Variants in KDELR2 observed in about 807,000 individuals in gnomAD.
KDELR2 encodes ER lumen protein-retaining receptor 2.
A neutral mutation model predicts 23.9 loss-of-function variants in KDELR2; 15 were observed. That is an observed-to-expected ratio of 0.63 (90% CI 0.42 to 0.97). KDELR2 has a LOEUF of 0.97. Ranked by LOEUF, KDELR2 falls within the 50% of genes least tolerant of loss-of-function variation. The pLI is 0.00. For synonymous variants in KDELR2, 119 were observed against 106.2 expected, an observed-to-expected ratio of 1.12 and a Z score of -0.74; for missense variants, 272 against 254.6, an observed-to-expected ratio of 1.07 and a Z score of -0.46.
rs554235003 is a variant in KDELR2, at chr7:6,484,102, G to C, written c.-45C>G. 327 of 1,334,076 alleles carry C rather than the reference G, an allele frequency of 2.5e-4. 1 individual carries two copies. In the African/African-American group the frequency reaches 4.6e-3, roughly 19 times the overall value. The allele number at this position is 1,334,076 out of a possible 1,614,324, so 82.6% of individuals were successfully genotyped here. A position where few individuals can be genotyped will look rare whatever the true frequency, so the allele number is the denominator to read the frequency against. ...GTCGGCGCAGCGCGGCGGCCCCGGGGCTGGGCGGCTCAGGAGGCGGCGGCC... is the reference window on the plus strand; with the variant it reads ...GTCGGCGCAGCGCGGCGGCCCCGGGCCTGGGCGGCTCAGGAGGCGGCGGCC... On this transcript the variant is annotated 5_prime_UTR_variant, in exon 1 of 5. Coordinates refer to ENST00000258739, the MANE Select transcript of KDELR2 (RefSeq NM_006854.4).
At chr7:6,469,794 C>A in intron 2 of KDELR2, 40 bp from the exon 3 acceptor site, 2 of 1,546,206 alleles carry the variant, frequency 1.3e-6, no homozygotes, top group Non-Finnish European at 1.8e-6. Context: ...CAATACCTTG[C>A]CACTGTTCCA....
chr7:6,469,802 C>G, intron 2 of KDELR2, 48 bp from the exon 3 acceptor site: 1 of 1,466,742 alleles, frequency 6.8e-7, no homozygotes, highest in Non-Finnish European at 9.2e-7. Context: ...TGCCACTGTT[C>G]CAGCACCCCC....
At chr7:6,465,268 C>T (rs1334560299) in intron 4 of KDELR2, among the ~76,000 whole-genome samples, 1 of 151,102 alleles carries the variant, frequency 6.6e-6, no homozygotes, top group African/African-American at 2.4e-5. Flanking sequence ...ACTGCAAGCT[C>T]CGCCTCCCAG....
At position 6,461,743 on chromosome 7, in the gene KDELR2, T is replaced by C. The variant is rs1785392802; in HGVS notation, c.*1398A>G. Reference sequence around the variant, plus strand: ...GCAGAAAGCCAAAATACTACATCCTTCTTGTAGTCAGCACTGTTAGTATTC... The same window carrying C: ...GCAGAAAGCCAAAATACTACATCCTCCTTGTAGTCAGCACTGTTAGTATTC... On this transcript the variant is annotated 3_prime_UTR_variant, in exon 5 of 5. Coordinates refer to ENST00000258739, the MANE Select transcript of KDELR2 (RefSeq NM_006854.4). 1 of 151,672 alleles carries C rather than the reference T, an allele frequency of 6.6e-6. No homozygotes were observed. Among genetic ancestry groups the C allele is most frequent in the Non-Finnish European group, 1.5e-5 (1 of 67,988 alleles). The allele number at this position is 151,672 out of a possible 1,614,324, so 9.4% of individuals were successfully genotyped here. A position where few individuals can be genotyped will look rare whatever the true frequency, so the allele number is the denominator to read the frequency against.
At chr7:6,472,260 G>C (rs1195056238) in intron 2 of KDELR2, among the ~76,000 whole-genome samples, 5 of 152,160 alleles carry the variant, frequency 3.3e-5, no homozygotes, top group South Asian at 2.1e-4. Flanking sequence ...CCTAGACTGT[G>C]GCCAGCTCAA....
Position 6,465,309 on chromosome 7 carries a change from G to A in KDELR2, c.604+762C>T, listed in dbSNP as rs187242969. Among the ~76,000 whole-genome samples, 1,216 of 150,900 alleles carry A rather than the reference G, an allele frequency of 8.1e-3. 22 individuals are homozygous for A. Among genetic ancestry groups the A allele is most frequent in the African/African-American group, 0.017 (693 of 41,078 alleles). On this transcript the variant is annotated intron_variant, in intron 4 of 4. Transcript: ENST00000258739. The stretch of plus-strand genomic sequence containing the variant: ...CACCATTCTCCTGCCTCAGCCTCCC[G>A]AGTAACTGGGACTACAGGCGCCCAC...
chr7:6,476,206 CA>C (rs1785748875), intron 1 of KDELR2, among the ~76,000 whole-genome samples: 1 of 152,238 alleles, frequency 6.6e-6, no homozygotes, highest in Admixed American at 6.5e-5. Flanking sequence ...AGCCTATTCA[CA>C]TACACATCTA....
chr7:6,482,951 A>G (rs911990665), intron 1 of KDELR2, among the ~76,000 whole-genome samples: 1 of 151,452 alleles, frequency 6.6e-6, no homozygotes, highest in African/African-American at 2.4e-5. Flanking sequence ...GGCTGCAGTG[A>G]GCAGTGATCA....
At chr7:6,467,391 G>T (rs1189215833) in intron 3 of KDELR2, among the ~76,000 whole-genome samples, 4 of 152,128 alleles carry the variant, frequency 2.6e-5, no homozygotes, top group Non-Finnish European at 4.4e-5. Flanking sequence ...TGTAATTATG[G>T]AAATTCTCTG....
Position 6,469,614 on chromosome 7 carries a change from G to A in KDELR2, c.333C>T (p.His111=), listed in dbSNP as rs540799139. 5.1e-5 allele frequency: 82 copies of A among 1,613,780 alleles called. No individual in the cohort carries two copies. The highest frequency in any genetic ancestry group is 6.4e-5 in the Non-Finnish European group (75 of 1,179,942). The part of the protein sequence containing the change: ...PVGGLSFLVN[H]DFSPLEILWT... ...AACTAACCTCAAGAGGAGAGAAATCGTGATTAACTAAAAATGAGAGGCCTC... is the reference window on the plus strand; with the variant it reads ...AACTAACCTCAAGAGGAGAGAAATCATGATTAACTAAAAATGAGAGGCCTC... Residue 111 remains histidine (H), a synonymous_variant, in exon 3 of 5, where the codon CAC becomes CAT. Coordinates refer to ENST00000258739, the MANE Select transcript of KDELR2 (RefSeq NM_006854.4).
Position 6,474,191 on chromosome 7 carries a change from G to T in KDELR2, c.185C>A (p.Ser62Tyr). The T allele has an allele frequency of 6.3e-7, 1 of 1,595,846 alleles. No homozygotes were observed. Among genetic ancestry groups the T allele is most frequent in the Non-Finnish European group, 8.6e-7 (1 of 1,163,350 alleles). ...GTGGATGGCATACCATACCTTCATAGATGTGTTATACAATGAAATAAATGA... is the reference window on the plus strand; with the variant it reads ...GTGGATGGCATACCATACCTTCATATATGTGTTATACAATGAAATAAATGA... Reference protein sequence around the residue: ...FTSFISLYNTSMKVIYLACSY... With the variant: ...FTSFISLYNTYMKVIYLACSY... The change falls in exon 2 of 5, where the codon TCT becomes TAT. Residue 62 changes from serine to tyrosine, a missense_variant. Transcript: ENST00000258739.
At chr7:6,473,313 G>A (rs1785691743) in intron 2 of KDELR2, among the ~76,000 whole-genome samples, 2 of 151,904 alleles carry the variant, frequency 1.3e-5, no homozygotes, top group African/African-American at 4.8e-5. Context: ...GCCATGATCT[G>A]TGTACTCTCC....
chr7:6,475,049 G>T (rs1196438426), intron 1 of KDELR2, among the ~76,000 whole-genome samples: 1 of 152,196 alleles, frequency 6.6e-6, no homozygotes, highest in Non-Finnish European at 1.5e-5. Context: ...ACCGACTCAG[G>T]TAAGAGTTGG....
intron 1 of KDELR2, among the ~76,000 whole-genome samples, chr7:6,482,148 A>G (rs1186735619): frequency 6.6e-6 from 1 of 152,064 alleles, no homozygotes. Flanking sequence ...GATTACAGGC[A>G]TGCACCACCA....
chr7:6,471,130 TA>T, intron 2 of KDELR2, among the ~76,000 whole-genome samples: 1 of 4,684 alleles, frequency 2.1e-4, no homozygotes, highest in East Asian at 1.0e-3. Context: ...AAATAAAAAA[TA>T]AATAAATAAA....
At chr7:6,481,158 C>G (rs1285584724) in intron 1 of KDELR2, among the ~76,000 whole-genome samples, 2 of 152,088 alleles carry the variant, frequency 1.3e-5, no homozygotes, top group Admixed American at 6.6e-5. Flanking sequence ...ATCATGAGGT[C>G]AGGAGACCGA....
chr7:6,462,014 A>G lies in KDELR2; in HGVS notation c.*1127T>C, dbSNP rs1024538251. The G allele has an allele frequency of 1.3e-5, 2 of 152,232 alleles. No homozygotes were observed. Among genetic ancestry groups the G allele is most frequent in the Admixed American group, 6.5e-5 (1 of 15,270 alleles). 9.4% of individuals were successfully genotyped at this position (152,232 alleles called of 1,614,324 possible). ...TGTTCAAAAAGCCTAATTCATAAAA[A>G]GACAATTTATTCCATGTTTAATATA... On this transcript the variant is annotated 3_prime_UTR_variant, in exon 5 of 5. Coordinates refer to ENST00000258739, the MANE Select transcript of KDELR2 (RefSeq NM_006854.4).
chr7:6,472,390 T>C (rs1243986997), intron 2 of KDELR2, among the ~76,000 whole-genome samples: 1 of 152,110 alleles, frequency 6.6e-6, no homozygotes, highest in Non-Finnish European at 1.5e-5. Context: ...CACGAGCACC[T>C]CGGGTCTCAC....
intron 4 of KDELR2, 83 bp from the exon 5 acceptor site, chr7:6,463,258 C>G (rs1785426693): frequency 3.9e-6 from 4 of 1,030,852 alleles, no homozygotes; most frequent in Non-Finnish European, 5.8e-6. Flanking sequence ...TCCTAGAAGT[C>G]TCCCACACAC....
Sources: gnomAD v4.1 joint callset for allele counts (sites outside exome capture counted in the v4.1 genomes callset) on GRCh38, gnomAD v4.1.1 for gene constraint, MANE v1.5 for transcripts, NCBI Gene and HGNC (gene_info 2026-07-23, HGNC 2026-07-21) for gene names.